Variants in CEP112 observed in about 807,000 individuals in gnomAD.
The protein encoded by CEP112 is centrosomal protein of 112 kDa.
In CEP112, 127 loss-of-function variants were observed where a neutral mutation model predicts 153.0. That is an observed-to-expected ratio of 0.83 (90% CI 0.72 to 0.96). The LOEUF (loss-of-function observed/expected upper bound fraction) is 0.96. CEP112 is among the 40% of genes least tolerant of loss of function. CEP112 has a pLI of 0.00. For synonymous variants in CEP112, 358 were observed against 374.4 expected, an observed-to-expected ratio of 0.96 and a Z score of 0.51; for missense variants, 1,089 against 1,101.2, an observed-to-expected ratio of 0.99 and a Z score of 0.16.
chr17:65,767,338 T>C (rs985201648), intron 21 of CEP112, among the ~76,000 whole-genome samples: 1 of 151,854 alleles, frequency 6.6e-6, no homozygotes, highest in Non-Finnish European at 1.5e-5. Flanking sequence ...TTGAGACAAA[T>C]GATAATGAAA....
At chr17:65,663,006 T>G (rs919969757) in intron 24 of CEP112, among the ~76,000 whole-genome samples, 15 of 152,244 alleles carry the variant, frequency 9.9e-5, no homozygotes, top group Non-Finnish European at 1.6e-4. Context: ...CCTCTCTTTA[T>G]CTTGAACACG....
chr17:65,810,005 T>C (rs1484154290), intron 21 of CEP112, among the ~76,000 whole-genome samples: 1 of 152,204 alleles, frequency 6.6e-6, no homozygotes, highest in African/African-American at 2.4e-5. Flanking sequence ...TCAAAACTTC[T>C]GAGAAGTCAA....
At chr17:65,868,234 C>A (rs1196056518) in intron 20 of CEP112, among the ~76,000 whole-genome samples, 1 of 152,026 alleles carries the variant, frequency 6.6e-6, no homozygotes, top group African/African-American at 2.4e-5. Context: ...TGCAGTGGCT[C>A]ACACCTATAA....
chr17:65,799,983 T>C (rs531780548), intron 21 of CEP112, among the ~76,000 whole-genome samples: 1 of 152,314 alleles, frequency 6.6e-6, no homozygotes, highest in Admixed American at 6.5e-5. Flanking sequence ...GAGTCATACA[T>C]AATTCCTCGG....
intron 21 of CEP112, among the ~76,000 whole-genome samples, chr17:65,771,952 T>A (rs1217724102): frequency 6.6e-6 from 1 of 151,114 alleles, no homozygotes. Flanking sequence ...AGCCCAGGAG[T>A]TTGAGTTTAT....
intron 20 of CEP112, among the ~76,000 whole-genome samples, chr17:65,875,677 T>C (rs1449116353): frequency 6.6e-6 from 1 of 152,176 alleles, no homozygotes; most frequent in Non-Finnish European, 1.5e-5. Context: ...CCAGAAATTA[T>C]GTAGCATCTT....
At chr17:66,181,556 C>G (rs1255237914) in intron 2 of CEP112, among the ~76,000 whole-genome samples, 1 of 152,038 alleles carries the variant, frequency 6.6e-6, no homozygotes, top group African/African-American at 2.4e-5. Flanking sequence ...GGGCTTTCAC[C>G]ATGTTAGCCA....
chr17:65,689,025 C>T, intron 24 of CEP112, 104 bp downstream of exon 24: 1 of 788,786 alleles, frequency 1.3e-6, no homozygotes, highest in East Asian at 2.7e-5. Flanking sequence ...ACCTCGGCCT[C>T]CCAAAGTGCT....
intron 16 of CEP112, among the ~76,000 whole-genome samples, chr17:66,007,048 T>C (rs2064306698): frequency 1.3e-5 from 2 of 152,232 alleles, no homozygotes; most frequent in African/African-American, 4.8e-5. Flanking sequence ...CTTTAACCTC[T>C]TCTTTTAAAA....
chr17:66,158,121 C>T (rs2071527717), intron 4 of CEP112, among the ~76,000 whole-genome samples: 4 of 152,074 alleles, frequency 2.6e-5, no homozygotes, highest in South Asian at 4.2e-4. Flanking sequence ...ATTCTAAAAT[C>T]GTCCACATAA....
intron 17 of CEP112, among the ~76,000 whole-genome samples, chr17:65,990,338 G>A (rs1171279976): frequency 1.3e-5 from 2 of 152,216 alleles, no homozygotes; most frequent in Non-Finnish European, 2.9e-5. Context: ...AAACTCAGGT[G>A]AGCAATCACA....
intron 18 of CEP112, among the ~76,000 whole-genome samples, chr17:65,945,652 T>C (rs2061627827): frequency 6.6e-6 from 1 of 152,142 alleles, no homozygotes; most frequent in Non-Finnish European, 1.5e-5. Context: ...CCCCTTTTTA[T>C]TTATTTTTTT....
chr17:65,794,599 CT>C (rs1326391524), intron 21 of CEP112, among the ~76,000 whole-genome samples: 1 of 152,226 alleles, frequency 6.6e-6, no homozygotes, highest in African/African-American at 2.4e-5. Context: ...CCATTGCCTA[CT>C]AGAAAGCTCC....
At chr17:65,713,093 A>G (rs941967370) in intron 23 of CEP112, among the ~76,000 whole-genome samples, 11 of 152,174 alleles carry the variant, frequency 7.2e-5, no homozygotes, top group African/African-American at 2.7e-4. Context: ...TTCCCTGCAT[A>G]CTGTTTCCAT....
intron 16 of CEP112, among the ~76,000 whole-genome samples, chr17:66,009,147 C>T (rs182254903): frequency 5.3e-5 from 8 of 151,622 alleles, no homozygotes; most frequent in East Asian, 1.9e-4. Context: ...AGAGTATAGA[C>T]GCTCTCTTTC....
At chr17:66,039,307 T>A (rs2065875164) in intron 12 of CEP112, among the ~76,000 whole-genome samples, 1 of 152,132 alleles carries the variant, frequency 6.6e-6, no homozygotes, top group South Asian at 2.1e-4. Flanking sequence ...ACAAACTTAA[T>A]TCGAAACCTT....
At chr17:66,070,031 T>G in intron 8 of CEP112, 30 bp from the exon 9 acceptor site, 1 of 1,345,312 alleles carries the variant, frequency 7.4e-7, no homozygotes, top group Non-Finnish European at 1.1e-6. Flanking sequence ...AGGGTGTTAT[T>G]AATTTACTTT....
intron 2 of CEP112, among the ~76,000 whole-genome samples, chr17:66,180,093 T>C (rs2146898257): frequency 6.6e-6 from 1 of 152,224 alleles, no homozygotes; most frequent in South Asian, 2.1e-4. Flanking sequence ...CTTGCAAGTA[T>C]TTTGCTGAGG....
intron 17 of CEP112, among the ~76,000 whole-genome samples, chr17:65,971,610 A>G (rs971362664): frequency 3.1e-5 from 4 of 128,376 alleles, no homozygotes; most frequent in South Asian, 5.3e-4. Context: ...TTGTGTGCAT[A>G]TTATATGTAT....
Sources: allele counts gnomAD v4.1 joint callset (sites outside exome capture counted in the v4.1 genomes callset), GRCh38; gene constraint gnomAD v4.1.1; transcripts MANE v1.5; gene names NCBI Gene and HGNC (gene_info 2026-07-23, HGNC 2026-07-21).